The following CCDC102B variants were observed in gnomAD, a reference collection of about 807,000 sequenced individuals.
CCDC102B encodes coiled-coil domain-containing protein 102B.
A neutral mutation model predicts 57.4 loss-of-function variants in CCDC102B; 75 were observed. The ratio of observed to expected loss-of-function variants is 1.31; its 90% CI spans 1.08 to 1.58. The LOEUF is 1.58. Among genes scored for constraint, CCDC102B ranks in the 40% most tolerant of loss-of-function variants. The pLI is 0.00. For synonymous variants in CCDC102B, 206 were observed against 201.9 expected (o/e 1.02, Z -0.17); for missense variants, 636 against 582.6 (o/e 1.09, Z -0.94).
chr18:68,894,568 C>T (rs1041863393), intron 5 of CCDC102B, among the ~76,000 whole-genome samples: 4 of 151,586 alleles, frequency 2.6e-5, no homozygotes, highest in African/African-American at 9.7e-5. Flanking sequence ...TTTTATTTAT[C>T]ATTTTAAGGT....
chr18:68,950,892 C>G (rs1477375563), intron 6 of CCDC102B, among the ~76,000 whole-genome samples: 1 of 151,820 alleles, frequency 6.6e-6, no homozygotes, highest in African/African-American at 2.4e-5. Context: ...CAATGACAAA[C>G]TGTGGATGTA....
intron 1 of CCDC102B, among the ~76,000 whole-genome samples, chr18:68,834,374 A>G (rs1435560845): frequency 6.0e-5 from 9 of 150,460 alleles, no homozygotes; most frequent in African/African-American, 2.2e-4. Flanking sequence ...TTTCAACCAA[A>G]AGAAATATCA....
chr18:68,852,092 C>A (rs8092124), intron 4 of CCDC102B, among the ~76,000 whole-genome samples: 44,144 of 151,528 alleles, frequency 0.29, 6,848 homozygotes, highest in Non-Finnish European at 0.34. Flanking sequence ...TGGACCAGGT[C>A]GCCTGCCTTC....
chr18:68,942,578 T>C (rs1463250898), intron 6 of CCDC102B, among the ~76,000 whole-genome samples: 3 of 151,992 alleles, frequency 2.0e-5, no homozygotes, highest in Non-Finnish European at 4.4e-5. Context: ...AAAAATGCTG[T>C]GCTTTTGAGG....
At chr18:68,779,615 T>G (rs1470768161) in intron 2 of CCDC102B, among the ~76,000 whole-genome samples, 1 of 152,116 alleles carries the variant, frequency 6.6e-6, no homozygotes, top group Non-Finnish European at 1.5e-5. Flanking sequence ...TTACGGAATA[T>G]AATTTGATGA....
intron 2 of CCDC102B, among the ~76,000 whole-genome samples, chr18:68,765,345 G>GAA (rs1369713575): frequency 5.0e-5 from 6 of 119,516 alleles, no homozygotes. Context: ...AAGAAAGAAA[G>GAA]AAAGAAAGAA....
intron 6 of CCDC102B, among the ~76,000 whole-genome samples, chr18:68,956,565 ATATATTTTATATATATAAATAT>A (rs2049899300): frequency 1.5e-4 from 1 of 6,470 alleles, no homozygotes; most frequent in Non-Finnish European, 3.5e-4. Context: ...TATATATATT[ATATATTTTATATATATAAATAT>A]TATATATATA....
intron 5 of CCDC102B, among the ~76,000 whole-genome samples, chr18:68,891,702 A>G (rs539264965): frequency 6.6e-6 from 1 of 152,284 alleles, no homozygotes; most frequent in African/African-American, 2.4e-5. Flanking sequence ...CACTTGTGTC[A>G]TTACATGGTC....
chr18:68,781,064 T>TG (rs933412017), intron 2 of CCDC102B, among the ~76,000 whole-genome samples: 6 of 152,048 alleles, frequency 3.9e-5, no homozygotes, highest in Non-Finnish European at 8.8e-5. Context: ...AAGCATAACT[T>TG]ATCTGTTTTT....
At position 69,026,759 on chromosome 18, in the gene CCDC102B, T is replaced by C. The variant is rs75296630; in HGVS notation, c.1434+15655T>C. 6.6e-5 allele frequency among the ~76,000 whole-genome samples: 10 copies of C among 152,362 alleles called. No individual in the cohort carries two copies. The East Asian group carries it at 1.9e-3, about 29-fold the overall frequency. On this transcript the variant is annotated intron_variant, in intron 7 of 7. Transcript: ENST00000360242. ...ACCCAAACAATTATGCCATGTTTAC[T>C]TTTTATGCTGGGTATTCATCTCTTA...
At chr18:68,778,804 C>T (rs1008518627) in intron 2 of CCDC102B, among the ~76,000 whole-genome samples, 2 of 150,134 alleles carry the variant, frequency 1.3e-5, no homozygotes, top group Non-Finnish European at 3.0e-5. Context: ...GGAAGCAGAA[C>T]CATGAAGAAA....
intron 5 of CCDC102B, among the ~76,000 whole-genome samples, chr18:68,883,133 A>G (rs955462786): frequency 3.3e-5 from 5 of 152,182 alleles, no homozygotes; most frequent in Admixed American, 6.5e-5. Flanking sequence ...AAAAGTATAT[A>G]TAAAAGGCTG....
chr18:69,042,348 G>A (rs972397472), intron 7 of CCDC102B, among the ~76,000 whole-genome samples: 3 of 152,050 alleles, frequency 2.0e-5, no homozygotes, highest in African/African-American at 7.2e-5. Context: ...AAATCAGCCT[G>A]TTTCATACCT....
intron 6 of CCDC102B, among the ~76,000 whole-genome samples, chr18:68,963,155 C>T (rs979489268): frequency 4.0e-5 from 6 of 151,456 alleles, no homozygotes; most frequent in African/African-American, 1.5e-4. Context: ...AGTAGCAAGA[C>T]CATAATAGTT....
At chr18:68,832,759 C>A (rs2037200474) in intron 1 of CCDC102B, among the ~76,000 whole-genome samples, 1 of 133,154 alleles carries the variant, frequency 7.5e-6, no homozygotes, top group Admixed American at 7.3e-5. Context: ...GATGAGAAGC[C>A]AGGGGGAAGA....
At chr18:68,824,523 C>T (rs551300996) in intron 1 of CCDC102B, among the ~76,000 whole-genome samples, 16 of 152,196 alleles carry the variant, frequency 1.1e-4, no homozygotes, top group African/African-American at 3.6e-4. Context: ...TTGCTCTGGC[C>T]AGGATTTCGA....
chr18:69,057,422 A>G (rs935995092), downstream of CCDC102B, among the ~76,000 whole-genome samples: 2 of 152,016 alleles, frequency 1.3e-5, no homozygotes, highest in Admixed American at 6.6e-5. Flanking sequence ...GATGACTTCA[A>G]TCTCTTATCT....
chr18:69,058,037 T>C (rs1219757002), downstream of CCDC102B, among the ~76,000 whole-genome samples: 1 of 151,994 alleles, frequency 6.6e-6, no homozygotes, highest in Admixed American at 6.6e-5. Context: ...ATTATTTTCA[T>C]CTTTATATTC....
chr18:68,814,243 C>A (rs1967361582), intron 1 of CCDC102B, among the ~76,000 whole-genome samples: 1 of 151,934 alleles, frequency 6.6e-6, no homozygotes. Flanking sequence ...GAGGAATTTT[C>A]TAGCTGTGCA....
Sources: gnomAD v4.1 joint callset for allele counts (sites outside exome capture counted in the v4.1 genomes callset) on GRCh38, gnomAD v4.1.1 for gene constraint, MANE v1.5 for transcripts, NCBI Gene and HGNC (gene_info 2026-07-23, HGNC 2026-07-21) for gene names.